The following SIK3 variants were observed in gnomAD, a reference collection of about 807,000 sequenced individuals.
The protein encoded by SIK3 is SIK family kinase 3.
In SIK3, 28 loss-of-function variants were observed where a neutral mutation model predicts 144.2. That is an observed-to-expected ratio of 0.19 (90% CI 0.14 to 0.27). The LOEUF (loss-of-function observed/expected upper bound fraction) is 0.27. SIK3 is among the 10% of genes least tolerant of loss of function. The pLI is 1.00. For synonymous variants in SIK3, 686 were observed against 676.3 expected (o/e 1.01, Z -0.22); for missense variants, 1,319 against 1,776.0 (o/e 0.74, Z 4.62).
In SIK3 at chr11:116,849,460, G is replaced by A. The variant is rs969859920; in HGVS notation, c.3656-177C>T. Among the ~76,000 whole-genome samples the A allele has an allele frequency of 1.3e-5, 2 of 152,182 alleles. No homozygotes were observed. The highest frequency in any genetic ancestry group is 2.4e-5 in the African/African-American group (1 of 41,444). ...AGGAGCCTGGACCAGCCCTCCAAAA[G>A]ACGAGCTGTAGGGGAGGGGACCACA... On this transcript the variant is annotated intron_variant, in intron 21 of 24. Coordinates refer to ENST00000445177, the MANE Select transcript of SIK3 (RefSeq NM_001366686.3). This position sits in a 1 kb window ranked among gnomAD's most constrained non-coding sequence, Gnocchi z 4.2.
chr11:116,861,913 G>C lies in SIK3; in HGVS notation c.2243C>G (p.Pro748Arg). The C allele has an allele frequency of 6.2e-7, 1 of 1,609,862 alleles. No individual in the cohort carries two copies. Among genetic ancestry groups the C allele is most frequent in the Non-Finnish European group, 8.5e-7 (1 of 1,178,194 alleles). Reference sequence around the variant, plus strand: ...CTGAAGAGGTGGAGATGGCTGAGGAGGACAGATAGAGTCCTAAAACATATA... The same window carrying C: ...CTGAAGAGGTGGAGATGGCTGAGGACGACAGATAGAGTCCTAAAACATATA... ...LQQQIQDSIC[P>R]PQPSPPLQAA... Residue 748 changes from proline (P) to arginine (R), a missense_variant, in exon 18 of 25, where the codon CCT becomes CGT. Around this residue, in one of 8 missense-constraint regions of SIK3, gnomAD observed 77 missense variants for 141.9 expected, o/e 0.54. Coordinates refer to ENST00000445177, the MANE Select transcript of SIK3 (RefSeq NM_001366686.3).
chr11:116,862,667 CAT>C (rs1384572244), intron 16 of SIK3, among the ~76,000 whole-genome samples: 1 of 152,102 alleles, frequency 6.6e-6, no homozygotes, highest in Non-Finnish European at 1.5e-5. Context: ...AGTACAGAAA[CAT>C]ATAGAGGTAC....
At chr11:117,087,286 T>C (rs1271840042) in intron 1 of SIK3, among the ~76,000 whole-genome samples, 2 of 151,736 alleles carry the variant, frequency 1.3e-5, no homozygotes, top group African/African-American at 4.8e-5. Context: ...CTACTAAAAA[T>C]ACAAAAATTA....
At chr11:116,938,365 AGGGGAGGG>A in intron 3 of SIK3, among the ~76,000 whole-genome samples, 1 of 6,138 alleles carries the variant, frequency 1.6e-4, no homozygotes, top group Non-Finnish European at 2.8e-4. Context: ...AGGGGAGGGG[AGGGGAGGG>A]GAGGGGAGGA....
chr11:117,028,335 A>G (rs905488445), intron 1 of SIK3, among the ~76,000 whole-genome samples: 1 of 152,148 alleles, frequency 6.6e-6, no homozygotes, highest in Admixed American at 6.5e-5. Flanking sequence ...CACCTACTAC[A>G]TGCCAGATGC....
intron 1 of SIK3, among the ~76,000 whole-genome samples, chr11:117,009,046 C>T (rs1951155689): frequency 6.6e-6 from 1 of 150,906 alleles, no homozygotes; most frequent in Admixed American, 6.6e-5. Flanking sequence ...ACCAGCCTGA[C>T]CAACATGGCG....
At position 116,876,930 on chromosome 11, in the gene SIK3, A is replaced by G. The variant is rs1318339733; in HGVS notation, c.978T>C (p.Phe326=). Residue 326 remains phenylalanine (F), a synonymous_variant, in exon 7 of 25, where the codon TTT becomes TTC. Coordinates refer to ENST00000445177, the MANE Select transcript of SIK3 (RefSeq NM_001366686.3). ...GCAGCGGTTCCCAGCTCACCCTGTCAAAGTTGGGATCGGCGTCCCCTAGCT... is the reference window on the plus strand; with the variant it reads ...GCAGCGGTTCCCAGCTCACCCTGTCGAAGTTGGGATCGGCGTCCCCTAGCT... ...WMKLGDADPN[F]DRLIAECQQL... is the part of the protein sequence containing the mutation. 6.2e-7 allele frequency: 1 copy of G among 1,613,940 alleles called. No individual in the cohort carries two copies. Among genetic ancestry groups the G allele is most frequent in the South Asian group, 1.1e-5 (1 of 91,080 alleles).
rs759310786 is a variant in SIK3 at position 116,861,351 on chromosome 11, T to C, written c.2348A>G (p.Asn783Ser). 5.0e-6 allele frequency: 8 copies of C among 1,596,510 alleles called. No homozygotes were observed. The highest frequency in any genetic ancestry group is 3.7e-5 in the Admixed American group (2 of 54,670). The change falls in exon 19 of 25, where the codon AAC becomes AGC. Residue 783 changes from asparagine to serine, a missense_variant. By Grantham distance (46) the Asn-to-Ser change is conservative. Around this residue, in one of 8 missense-constraint regions of SIK3, gnomAD observed 646 missense variants for 763.7 expected, o/e 0.85. Coordinates refer to ENST00000445177, the MANE Select transcript of SIK3 (RefSeq NM_001366686.3). ...LRIQPSSPPP[N>S]HPNNHLFRQP... Reference sequence around the variant, plus strand: ...CCTGAAGAGATGGTTGTTGGGGTGGTTGGGGGGTGGGCTTGAAGGCTGAAT... The same window carrying C: ...CCTGAAGAGATGGTTGTTGGGGTGGCTGGGGGGTGGGCTTGAAGGCTGAAT...
intron 1 of SIK3, among the ~76,000 whole-genome samples, chr11:116,997,408 A>C (rs975406982): frequency 5.3e-5 from 8 of 152,260 alleles, no homozygotes; most frequent in Non-Finnish European, 1.0e-4. Context: ...CAAATATGCA[A>C]GGCACTAAAT....
At chr11:117,025,963 T>C (rs1482337756) in intron 1 of SIK3, among the ~76,000 whole-genome samples, 1 of 152,048 alleles carries the variant, frequency 6.6e-6, no homozygotes, top group Non-Finnish European at 1.5e-5. Flanking sequence ...GGTTTTATAC[T>C]AACCATTTGT....
chr11:116,988,389 A>G (rs963793662), intron 1 of SIK3, among the ~76,000 whole-genome samples: 6 of 151,890 alleles, frequency 4.0e-5, no homozygotes, highest in African/African-American at 1.5e-4. Flanking sequence ...CTGACTCAAA[A>G]AAAAAGAAAA....
chr11:116,989,354 T>C (rs1027438783), intron 1 of SIK3, among the ~76,000 whole-genome samples: 3 of 152,360 alleles, frequency 2.0e-5, no homozygotes, highest in East Asian at 1.9e-4. Flanking sequence ...TGTAACTTTA[T>C]AGCTCACCAT....
intron 1 of SIK3, among the ~76,000 whole-genome samples, chr11:116,977,593 G>C (rs1185834321): frequency 8.5e-5 from 13 of 152,272 alleles, no homozygotes; most frequent in Non-Finnish European, 1.5e-5. Flanking sequence ...ATTCATGGAG[G>C]TATTTAACAA....
chr11:117,011,567 T>A (rs1318284961), intron 1 of SIK3, among the ~76,000 whole-genome samples: 1 of 152,148 alleles, frequency 6.6e-6, no homozygotes, highest in Non-Finnish European at 1.5e-5. Flanking sequence ...TTGGTGAGAT[T>A]TACAAAGAAT....
chr11:116,864,587 A>C (rs1029896632), intron 15 of SIK3: 1 of 152,320 alleles, frequency 6.6e-6, no homozygotes, highest in African/African-American at 2.4e-5. Context: ...AGCTATTGAT[A>C]AGGAATGCCT....
At chr11:116,989,687 G>C (rs1950437432) in intron 1 of SIK3, among the ~76,000 whole-genome samples, 1 of 151,990 alleles carries the variant, frequency 6.6e-6, no homozygotes, top group Non-Finnish European at 1.5e-5. Context: ...ACTGTGAGTA[G>C]TTACTGTGAA....
intron 1 of SIK3, among the ~76,000 whole-genome samples, chr11:117,031,210 T>A (rs1375418385): frequency 3.3e-5 from 5 of 152,154 alleles, no homozygotes; most frequent in African/African-American, 1.2e-4. Context: ...TGGTGTCAAG[T>A]CTCAGAACTC....
At chr11:116,959,462 A>T (rs1949262513) in intron 1 of SIK3, among the ~76,000 whole-genome samples, 1 of 152,238 alleles carries the variant, frequency 6.6e-6, no homozygotes, top group African/African-American at 2.4e-5. Flanking sequence ...TTAATAACAG[A>T]GGGCATCAAC....
intron 1 of SIK3, among the ~76,000 whole-genome samples, chr11:117,009,912 A>C (rs1951189744): frequency 6.6e-6 from 1 of 152,168 alleles, no homozygotes; most frequent in Non-Finnish European, 1.5e-5. Flanking sequence ...ACACTTACCA[A>C]TCCCACAAAA....
Sources: gnomAD v4.1 joint callset for allele counts (sites outside exome capture counted in the v4.1 genomes callset) on GRCh38, gnomAD v4.1.1 for gene constraint, gnomAD v4.1.1 regional missense constraint, Gnocchi (gnomAD v3.1) non-coding constraint, MANE v1.5 for transcripts, NCBI Gene and HGNC (gene_info 2026-07-23, HGNC 2026-07-21) for gene names.